The following C5orf63 variants were observed in gnomAD, a reference collection of about 807,000 sequenced individuals.
C5orf63 encodes the protein glutaredoxin-like protein C5orf63.
C5orf63 carries 18 observed loss-of-function variants against 13.3 expected under a neutral mutation model. That is an observed-to-expected ratio of 1.36 (90% CI 0.94 to 2.01). The LOEUF (loss-of-function observed/expected upper bound fraction) is 2.01. Among genes scored for constraint, C5orf63 ranks in the 30% most tolerant of loss-of-function variants. The pLI, the probability that C5orf63 is intolerant of heterozygous loss-of-function variation, is 0.00. For synonymous variants in C5orf63, 38 were observed against 44.7 expected (o/e 0.85, Z 0.60); for missense variants, 118 against 127.7 (o/e 0.92, Z 0.36).
In C5orf63 at chr5:127,051,891, C is replaced by T. The variant is rs61730158; in HGVS notation, c.228G>A (p.Arg76=). ...TLPENSVWYE[R]YKFDIPVFHL... ...GAAAGACAGGAATATCAAATTTATA[C>T]CTTTCATACCAGACAGAGTTTTCTG... The change falls in exon 5 of 5, where the codon AGG becomes AGA. Residue 76 remains arginine (R), a synonymous_variant. Transcript: ENST00000296662. The T allele has an allele frequency of 0.022, 33,465 of 1,533,404 alleles. 479 individuals are homozygous for T. The highest frequency in any genetic ancestry group is 0.024 in the Non-Finnish European group (27,616 of 1,145,320). 95.0% of individuals were successfully genotyped at this position (1,533,404 alleles called of 1,614,324 possible).
intron 2 of C5orf63, among the ~76,000 whole-genome samples, chr5:127,060,036 G>A (rs1274309377): frequency 6.6e-6 from 1 of 152,140 alleles, no homozygotes; most frequent in Non-Finnish European, 1.5e-5. Context: ...TACTCGGGAG[G>A]CTGAGGCAGG....
intron 1 of C5orf63, chr5:127,072,212 C>G (rs568343324): frequency 6.6e-6 from 1 of 152,224 alleles, no homozygotes; most frequent in African/African-American, 2.4e-5. Context: ...CTCAGCAGAG[C>G]AGGACGCAGG....
chr5:127,060,548 G>T (rs1374876267), intron 2 of C5orf63, among the ~76,000 whole-genome samples: 2 of 152,174 alleles, frequency 1.3e-5, no homozygotes, highest in East Asian at 3.8e-4. Flanking sequence ...TCATTTATCA[G>T]TATTTCTAGG....
At chr5:127,062,715 T>C (rs1045506879) in intron 2 of C5orf63, among the ~76,000 whole-genome samples, 24 of 152,316 alleles carry the variant, frequency 1.6e-4, no homozygotes, top group Non-Finnish European at 1.6e-4. Context: ...AAAATTTTAA[T>C]ATGGGCTACT....
intron 3 of C5orf63, among the ~76,000 whole-genome samples, chr5:127,054,091 T>C (rs1220752927): frequency 6.6e-6 from 1 of 152,184 alleles, no homozygotes; most frequent in African/African-American, 2.4e-5. Context: ...AAGAACATGC[T>C]AAATTACAGA....
chr5:127,054,982 A>T (rs1443154863), intron 3 of C5orf63, among the ~76,000 whole-genome samples: 2 of 152,182 alleles, frequency 1.3e-5, no homozygotes, highest in Non-Finnish European at 2.9e-5. Flanking sequence ...AGCACCATTT[A>T]TTAAATAGGA....
intron 2 of C5orf63, among the ~76,000 whole-genome samples, chr5:127,070,894 T>C (rs1378598376): frequency 2.0e-5 from 3 of 152,190 alleles, no homozygotes. Context: ...GAGCATCTAA[T>C]GTATTCCCAA....
downstream of C5orf63, chr5:127,042,734 A>G (rs938593849): frequency 1.3e-5 from 2 of 152,244 alleles, no homozygotes; most frequent in Non-Finnish European, 2.9e-5. Context: ...AAGGATCTCA[A>G]ATCCATGATA....
At chr5:127,055,898 A>G (rs747958344) in intron 3 of C5orf63, among the ~76,000 whole-genome samples, 2 of 152,200 alleles carry the variant, frequency 1.3e-5, no homozygotes, top group Non-Finnish European at 2.9e-5. Context: ...AAATATGTGT[A>G]TATATTTTTA....
intron 1 of C5orf63, 37 bp downstream of exon 1, chr5:127,073,414 G>A (rs760114769): frequency 2.0e-5 from 3 of 152,242 alleles, no homozygotes; most frequent in South Asian, 2.1e-4. Context: ...GGAGACCCGC[G>A]AGCGCTCACC....
intron 2 of C5orf63, 124 bp from the exon 3 acceptor site, chr5:127,059,126 G>A: frequency 1.5e-6 from 1 of 673,752 alleles, no homozygotes; most frequent in East Asian, 2.7e-5. Flanking sequence ...TCAAGTCCAG[G>A]AGTGTTGGAA....
chr5:127,059,582 G>A (rs966415812), intron 2 of C5orf63, among the ~76,000 whole-genome samples: 1 of 151,826 alleles, frequency 6.6e-6, no homozygotes, highest in East Asian at 1.9e-4. Context: ...CAAAAAATTA[G>A]CTGGGTGTGG....
chr5:127,043,511 G>C (rs1753451624), downstream of C5orf63: 1 of 152,202 alleles, frequency 6.6e-6, no homozygotes, highest in African/African-American at 2.4e-5. Flanking sequence ...AGAACAAAAG[G>C]CTGATACTAA....
chr5:127,051,453 A>C lies in C5orf63; in HGVS notation c.*318T>G. 2 of 1,232,968 alleles carry C rather than the reference A, an allele frequency of 1.6e-6. No individual in the cohort carries two copies. The highest frequency in any genetic ancestry group is 8.2e-5 in the South Asian group (2 of 24,448). The allele number at this position is 1,232,968 out of a possible 1,614,324, so 76.4% of individuals were successfully genotyped here. A position where few individuals can be genotyped will look rare whatever the true frequency, so the allele number is the denominator to read the frequency against. ...GGAATGCAGAACCTTCTTCCTATAA[A>C]TGGCATTGCCCAGTGACTGTGAAGT... On this transcript the variant is annotated 3_prime_UTR_variant, in exon 5 of 5. Transcript: ENST00000296662.
intron 1 of C5orf63, among the ~76,000 whole-genome samples, chr5:127,072,675 A>G (rs866966303): frequency 6.6e-5 from 10 of 152,166 alleles, no homozygotes; most frequent in Non-Finnish European, 1.0e-4. Flanking sequence ...AAAGTACCAC[A>G]TATACACTAT....
chr5:127,059,596 T>C (rs1754019365), intron 2 of C5orf63, among the ~76,000 whole-genome samples: 1 of 151,454 alleles, frequency 6.6e-6, no homozygotes, highest in Non-Finnish European at 1.5e-5. Flanking sequence ...GGTGTGGTGG[T>C]GTACACCTGT....
downstream of C5orf63, chr5:127,042,765 G>C (rs1753434475): frequency 6.6e-6 from 1 of 152,138 alleles, no homozygotes; most frequent in Non-Finnish European, 1.5e-5. Context: ...TTTGACAATA[G>C]CAAGTGAGTA....
chr5:127,048,760 C>T (rs1753584639), downstream of C5orf63, among the ~76,000 whole-genome samples: 2 of 152,136 alleles, frequency 1.3e-5, no homozygotes, highest in East Asian at 3.9e-4. Flanking sequence ...ACACTATAAC[C>T]ACATGGTTAT....
intron 2 of C5orf63, among the ~76,000 whole-genome samples, chr5:127,059,373 C>T (rs1210270135): frequency 6.6e-6 from 1 of 152,074 alleles, no homozygotes; most frequent in Non-Finnish European, 1.5e-5. Flanking sequence ...GGCTTTTATT[C>T]TCATGGATAG....
Sources: gnomAD v4.1 joint callset for allele counts (sites outside exome capture counted in the v4.1 genomes callset) on GRCh38, gnomAD v4.1.1 for gene constraint, MANE v1.5 for transcripts, NCBI Gene and HGNC (gene_info 2026-07-23, HGNC 2026-07-21) for gene names.